PHF20: variants seen among roughly 807,000 people sequenced by gnomAD.
PHF20 encodes glioma-expressed antigen 2.
In PHF20, 23 loss-of-function variants were observed where a neutral mutation model predicts 113.5. That is an observed-to-expected ratio of 0.20 (90% CI 0.15 to 0.29). PHF20 has a LOEUF of 0.29. PHF20 is among the 10% of genes least tolerant of loss of function. PHF20 has a pLI of 1.00. For missense variants in PHF20, 943 were observed against 1,219.6 expected (o/e 0.77, Z 3.38); for synonymous variants, 434 against 457.3 (o/e 0.95, Z 0.65).
chr20:35,925,945 A>G (rs2055621629), intron 13 of PHF20, among the ~76,000 whole-genome samples: 1 of 151,124 alleles, frequency 6.6e-6, no homozygotes, highest in African/African-American at 2.4e-5. Flanking sequence ...ACACGGTAAA[A>G]CCCCATCTCT....
At chr20:35,855,302 A>T (rs773339278) in intron 4 of PHF20, 13 of 1,299,942 alleles carry the variant, frequency 1.0e-5, no homozygotes, top group South Asian at 3.5e-5. Context: ...GTAAGTACTC[A>T]TAAGTCATTG....
At chr20:35,884,408 C>T (rs1274868367) in intron 9 of PHF20, among the ~76,000 whole-genome samples, 1 of 152,166 alleles carries the variant, frequency 6.6e-6, no homozygotes, top group Non-Finnish European at 1.5e-5. Context: ...CTGTTCCAAC[C>T]TAACTCTGGC....
At chr20:35,844,414 T>C (rs2042584665) in intron 3 of PHF20, among the ~76,000 whole-genome samples, 1 of 142,578 alleles carries the variant, frequency 7.0e-6, no homozygotes, top group Non-Finnish European at 1.5e-5. Context: ...TTTTTTTTTT[T>C]TGGTTTTTTT....
intron 5 of PHF20, among the ~76,000 whole-genome samples, chr20:35,861,121 G>A (rs2054211556): frequency 6.6e-6 from 1 of 151,754 alleles, no homozygotes; most frequent in Non-Finnish European, 1.5e-5. Context: ...CAATTTCAAA[G>A]GTTTTTCGTA....
intron 2 of PHF20, among the ~76,000 whole-genome samples, chr20:35,812,406 G>A (rs1345367771): frequency 6.6e-6 from 1 of 152,108 alleles, no homozygotes; most frequent in African/African-American, 2.4e-5. Context: ...GAGACAGAGC[G>A]AGACTCCGTC....
chr20:35,898,528 G>A (rs1057404892), intron 9 of PHF20, among the ~76,000 whole-genome samples: 4 of 151,986 alleles, frequency 2.6e-5, no homozygotes, highest in Non-Finnish European at 4.4e-5. Flanking sequence ...TTCTGCCTTC[G>A]GGTTCAAGCA....
At chr20:35,910,988 T>C (rs1325195513) in intron 10 of PHF20, among the ~76,000 whole-genome samples, 1 of 152,138 alleles carries the variant, frequency 6.6e-6, no homozygotes, top group Non-Finnish European at 1.5e-5. Flanking sequence ...TTTGTCTGGC[T>C]CCTTTCACCC....
chr20:35,839,428 G>A (rs2146932845), intron 2 of PHF20, among the ~76,000 whole-genome samples: 1 of 151,714 alleles, frequency 6.6e-6, no homozygotes, highest in South Asian at 2.1e-4. Flanking sequence ...GGTTTGAATA[G>A]GAATGTGTTA....
At chr20:35,803,704 G>GTGTGTGTGTA (rs149989446) in intron 2 of PHF20, among the ~76,000 whole-genome samples, 6 of 149,700 alleles carry the variant, frequency 4.0e-5, no homozygotes, top group African/African-American at 1.2e-4. Context: ...GTGTGTGTGT[G>GTGTGTGTGTA]TATATATATA....
chr20:35,892,935 C>G (rs1287029062), intron 9 of PHF20, among the ~76,000 whole-genome samples: 2 of 152,206 alleles, frequency 1.3e-5, no homozygotes, highest in Admixed American at 1.3e-4. Flanking sequence ...TTTATTCCAT[C>G]AGAGAAAACA....
intron 10 of PHF20, among the ~76,000 whole-genome samples, chr20:35,906,092 G>A (rs2055195573): frequency 1.3e-5 from 2 of 152,200 alleles, no homozygotes; most frequent in South Asian, 2.1e-4. Flanking sequence ...GGCCTCTCCT[G>A]TGCTTATTAT....
intron 2 of PHF20, among the ~76,000 whole-genome samples, chr20:35,814,179 T>C (rs1430578165): frequency 6.6e-6 from 1 of 152,110 alleles, no homozygotes; most frequent in Non-Finnish European, 1.5e-5. Context: ...GTAAGAAATC[T>C]ATTTTTTGAA....
At chr20:35,811,791 G>A (rs1255570251) in intron 2 of PHF20, among the ~76,000 whole-genome samples, 1 of 149,708 alleles carries the variant, frequency 6.7e-6, no homozygotes, top group Non-Finnish European at 1.5e-5. Flanking sequence ...ATTTTTTTGA[G>A]ACGGAGTCTC....
intron 1 of PHF20, among the ~76,000 whole-genome samples, chr20:35,800,829 TATCTC>T (rs1356541152): frequency 6.6e-6 from 1 of 152,156 alleles, no homozygotes; most frequent in Non-Finnish European, 1.5e-5. Flanking sequence ...CAAGTATTAA[TATCTC>T]AACTTTTGTT....
At chr20:35,803,704 G>A (rs749579612) in intron 2 of PHF20, among the ~76,000 whole-genome samples, 30 of 149,782 alleles carry the variant, frequency 2.0e-4, no homozygotes, top group South Asian at 1.7e-3. Flanking sequence ...GTGTGTGTGT[G>A]TATATATATA....
intron 1 of PHF20, among the ~76,000 whole-genome samples, chr20:35,789,254 T>G (rs1749893112): frequency 6.6e-6 from 1 of 151,782 alleles, no homozygotes. Context: ...AACTAGAGAC[T>G]AGCCCGTCTC....
At chr20:35,927,160 G>C (rs986993360) in intron 13 of PHF20, among the ~76,000 whole-genome samples, 1 of 152,202 alleles carries the variant, frequency 6.6e-6, no homozygotes, top group African/African-American at 2.4e-5. Context: ...CAACGAGTCA[G>C]GTTATGTTCT....
At chr20:35,920,751 C>G (rs2055496223) in intron 13 of PHF20, among the ~76,000 whole-genome samples, 1 of 152,248 alleles carries the variant, frequency 6.6e-6, no homozygotes, top group Admixed American at 6.5e-5. Flanking sequence ...TACACACATA[C>G]ATACCCACAC....
chr20:35,846,603 G>A (rs534747206), intron 3 of PHF20, among the ~76,000 whole-genome samples: 75 of 152,278 alleles, frequency 4.9e-4, no homozygotes, highest in African/African-American at 1.7e-3. Context: ...GTATGAAGTA[G>A]CCTCATATCT....
Sources: gnomAD v4.1 joint callset for allele counts (sites outside exome capture counted in the v4.1 genomes callset) on GRCh38, gnomAD v4.1.1 for gene constraint, MANE v1.5 for transcripts, NCBI Gene and HGNC (gene_info 2026-07-23, HGNC 2026-07-21) for gene names.